The following GRID2 variants were observed in gnomAD, a reference collection of about 807,000 sequenced individuals.
The protein encoded by GRID2 is glutamate receptor ionotropic, delta-2.
Under a neutral mutation model 114.8 loss-of-function variants are expected in GRID2, and 33 were observed. The observed-to-expected ratio is 0.29, with a 90% CI of 0.22 to 0.38. The LOEUF (loss-of-function observed/expected upper bound fraction) is 0.38, where lower values mean the gene tolerates loss of function less well. Ranked by LOEUF, GRID2 falls within the 10% of genes least tolerant of loss-of-function variation. GRID2 has a pLI of 1.00. For synonymous variants in GRID2, 505 were observed against 449.9 expected, an observed-to-expected ratio of 1.12 and a Z score of -1.55; for missense variants, 1,184 against 1,257.7, an observed-to-expected ratio of 0.94 and a Z score of 0.89.
chr4:92,358,800 G>A (rs896207251), intron 1 of GRID2, among the ~76,000 whole-genome samples: 1 of 151,676 alleles, frequency 6.6e-6, no homozygotes, highest in Non-Finnish European at 1.5e-5. Context: ...ATGAATGTTA[G>A]AATATATATT....
intron 8 of GRID2, among the ~76,000 whole-genome samples, chr4:93,363,958 G>C (rs1335047328): frequency 6.6e-6 from 1 of 151,590 alleles, no homozygotes; most frequent in African/African-American, 2.4e-5. Context: ...CTTCAGTTCT[G>C]TATTTTTATT....
At chr4:93,056,332 A>T (rs1727241491) in intron 2 of GRID2, among the ~76,000 whole-genome samples, 1 of 151,932 alleles carries the variant, frequency 6.6e-6, no homozygotes, top group Non-Finnish European at 1.5e-5. Flanking sequence ...TGGAGGAAGA[A>T]CCACACTGAT....
chr4:93,530,707 T>C (rs1731355793), intron 13 of GRID2, among the ~76,000 whole-genome samples: 2 of 152,178 alleles, frequency 1.3e-5, no homozygotes, highest in South Asian at 4.1e-4. Flanking sequence ...TCATATACTA[T>C]TTTGGGCCAG....
chr4:93,492,139 T>C (rs868266546), intron 12 of GRID2, among the ~76,000 whole-genome samples: 1 of 151,786 alleles, frequency 6.6e-6, no homozygotes, highest in Non-Finnish European at 1.5e-5. Context: ...CATCATACTT[T>C]AAGCAATATG....
At chr4:93,202,149 A>G (rs1272283767) in intron 4 of GRID2, among the ~76,000 whole-genome samples, 2 of 152,142 alleles carry the variant, frequency 1.3e-5, no homozygotes, top group African/African-American at 4.8e-5. Flanking sequence ...GCCATACCTC[A>G]ATCTTTCCTG....
At chr4:93,578,811 T>G (rs1357110755) in intron 13 of GRID2, among the ~76,000 whole-genome samples, 1 of 152,108 alleles carries the variant, frequency 6.6e-6, no homozygotes, top group Non-Finnish European at 1.5e-5. Flanking sequence ...GTCAGGTTGG[T>G]CTCGATCTCC....
At chr4:92,617,073 C>T (rs1730037782) in intron 2 of GRID2, among the ~76,000 whole-genome samples, 1 of 151,222 alleles carries the variant, frequency 6.6e-6, no homozygotes, top group African/African-American at 2.4e-5. Flanking sequence ...ATTCAATATC[C>T]TCTCTCTCGT....
At chr4:92,384,600 TA>T (rs1553929651) in intron 1 of GRID2, among the ~76,000 whole-genome samples, 1 of 51,544 alleles carries the variant, frequency 1.9e-5, no homozygotes, top group Non-Finnish European at 3.7e-5. Flanking sequence ...ATATATAACA[TA>T]ATATATAATA....
chr4:92,994,555 C>A (rs1578701994), intron 2 of GRID2, among the ~76,000 whole-genome samples: 1 of 152,172 alleles, frequency 6.6e-6, no homozygotes, highest in East Asian at 1.9e-4. Flanking sequence ...AACTGCTGGT[C>A]TCAAGTGATC....
At chr4:92,435,132 G>A (rs1240079846) in intron 1 of GRID2, among the ~76,000 whole-genome samples, 1 of 152,106 alleles carries the variant, frequency 6.6e-6, no homozygotes, top group Non-Finnish European at 1.5e-5. Context: ...ATGTAAGTGG[G>A]CACCCCATCT....
At chr4:92,819,358 C>T (rs12650408) in intron 2 of GRID2, among the ~76,000 whole-genome samples, 48,771 of 151,798 alleles carry the variant, frequency 0.32, 8,124 homozygotes, top group Middle Eastern at 0.44. Context: ...TGAGTGATTC[C>T]AATGTGCAGC....
chr4:93,771,860 G>T (rs190506267), intron 15 of GRID2, among the ~76,000 whole-genome samples: 147 of 152,186 alleles, frequency 9.7e-4, no homozygotes, highest in Non-Finnish European at 1.3e-3. Context: ...AACCTTTACT[G>T]CAAGAAAAAT....
At chr4:92,399,596 C>T (rs1314620528) in intron 1 of GRID2, among the ~76,000 whole-genome samples, 4 of 151,442 alleles carry the variant, frequency 2.6e-5, no homozygotes, top group East Asian at 3.9e-4. Flanking sequence ...CCTCCAATTA[C>T]ATATTTCACA....
At chr4:93,042,390 G>GTATA (rs1313043649) in intron 2 of GRID2, among the ~76,000 whole-genome samples, 1 of 144,424 alleles carries the variant, frequency 6.9e-6, no homozygotes, top group Non-Finnish European at 1.5e-5. Context: ...ATATATATGT[G>GTATA]TATATATACA....
At chr4:92,849,112 A>G (rs1387985240) in intron 2 of GRID2, among the ~76,000 whole-genome samples, 1 of 151,972 alleles carries the variant, frequency 6.6e-6, no homozygotes. Context: ...GCCGCCTACC[A>G]TCACCATGCC....
intron 14 of GRID2, among the ~76,000 whole-genome samples, chr4:93,741,181 A>ATATATATATATG (rs1731361296): frequency 2.6e-5 from 1 of 37,738 alleles, no homozygotes; most frequent in Non-Finnish European, 5.7e-5. Flanking sequence ...ATACATATAT[A>ATATATATATATG]TATATATATA....
rs182588213 is a variant in GRID2 at position 92,433,167 on chromosome 4, G to C, written c.88+128423G>C. Among the ~76,000 whole-genome samples the C allele has an allele frequency of 3.3e-5, 5 of 152,192 alleles. No homozygotes were observed. The East Asian group carries it at 7.8e-4, about 24-fold the overall frequency. On this transcript the variant is annotated intron_variant, in intron 1 of 15. Transcript: ENST00000282020. ...CTCTCCCCTATCCTCTCTTCAAGTA[G>C]AAGGAAGGAGACTCTCCCAGAGCTG...
At chr4:93,516,901 G>C (rs1729783394) in intron 13 of GRID2, among the ~76,000 whole-genome samples, 1 of 152,082 alleles carries the variant, frequency 6.6e-6, no homozygotes, top group Middle Eastern at 3.4e-3. Context: ...CATTTTAGGA[G>C]CCAAAGCTCC....
At chr4:93,693,888 A>G (rs993017130) in intron 14 of GRID2, among the ~76,000 whole-genome samples, 9 of 152,192 alleles carry the variant, frequency 5.9e-5, no homozygotes, top group Non-Finnish European at 1.3e-4. Context: ...AAACTACTAT[A>G]AATCAGACTT....
Sources: gnomAD v4.1 joint callset for allele counts (sites outside exome capture counted in the v4.1 genomes callset) on GRCh38, gnomAD v4.1.1 for gene constraint, MANE v1.5 for transcripts, NCBI Gene and HGNC (gene_info 2026-07-23, HGNC 2026-07-21) for gene names.